Variants in CECR2 observed in about 807,000 individuals in gnomAD.
CECR2 encodes the protein chromatin remodeling regulator CECR2.
A neutral mutation model predicts 154.5 loss-of-function variants in CECR2; 30 were observed. The ratio of observed to expected loss-of-function variants is 0.19; its 90% CI spans 0.15 to 0.26. CECR2 has a LOEUF of 0.26. Among genes scored for constraint, CECR2 ranks in the 10% least tolerant of loss-of-function variants. The pLI, the probability that CECR2 is intolerant of heterozygous loss-of-function variation, is 1.00. For synonymous variants in CECR2, 725 were observed against 683.7 expected (o/e 1.06, Z -0.94); for missense variants, 1,743 against 1,829.3 (o/e 0.95, Z 0.86).
chr22:17,552,946 C>T lies in CECR2; in HGVS notation c.*106C>T, dbSNP rs2056731742. ...GCTCTATTCCCATCACCTGCTCCAC[C>T]CCTTCACGGCGACCCACTCGTGCCA... On this transcript the variant is annotated 3_prime_UTR_variant, in exon 19 of 19. Transcript: ENST00000262608. 2 of 1,512,300 alleles carry T rather than the reference C, an allele frequency of 1.3e-6. No homozygotes were observed. The highest frequency in any genetic ancestry group is 4.9e-5 in the East Asian group (2 of 40,586). 93.7% of individuals were successfully genotyped at this position (1,512,300 alleles called of 1,614,324 possible).
intron 1 of CECR2, among the ~76,000 whole-genome samples, chr22:17,395,562 T>A (rs2053796173): frequency 6.6e-6 from 1 of 152,068 alleles, no homozygotes. Context: ...CCAGGCTGGT[T>A]TCTAACTCCT....
chr22:17,451,593 TC>T (rs1161615156), intron 1 of CECR2, among the ~76,000 whole-genome samples: 3 of 152,280 alleles, frequency 2.0e-5, no homozygotes, highest in Middle Eastern at 3.4e-3. Context: ...ACAGGATTCT[TC>T]CGTTCCTCCG....
At chr22:17,434,642 G>A (rs1309119042) in intron 1 of CECR2, among the ~76,000 whole-genome samples, 3 of 139,758 alleles carry the variant, frequency 2.1e-5, no homozygotes, top group Non-Finnish European at 4.6e-5. Context: ...TTTTATGCCC[G>A]CACCCCCCCT....
chr22:17,413,497 G>T lies in CECR2; in HGVS notation c.126+43588G>T, dbSNP rs111714273. Reference sequence around the variant, plus strand: ...CTCCATTAACATTGTTCAGACCTGGGGATCTTAGCAGCAGGGAAAATAGGT... The same window carrying T: ...CTCCATTAACATTGTTCAGACCTGGTGATCTTAGCAGCAGGGAAAATAGGT... On this transcript the variant is annotated intron_variant, in intron 1 of 18. Coordinates refer to ENST00000262608, the MANE Select transcript of CECR2 (RefSeq NM_001290047.2). Among the ~76,000 whole-genome samples the T allele has an allele frequency of 6.6e-5, 10 of 152,124 alleles. 1 individual carries two copies. Among genetic ancestry groups the T allele is most frequent in the African/African-American group, 2.4e-4 (10 of 41,486 alleles).
intron 1 of CECR2, among the ~76,000 whole-genome samples, chr22:17,428,864 G>A (rs576516684): frequency 1.3e-5 from 2 of 150,028 alleles, no homozygotes; most frequent in East Asian, 4.0e-4. Context: ...AATGCTCAGG[G>A]AATAGGCGTG....
At chr22:17,544,139 A>G (rs1450619788) in intron 16 of CECR2, among the ~76,000 whole-genome samples, 1 of 151,962 alleles carries the variant, frequency 6.6e-6, no homozygotes, top group Non-Finnish European at 1.5e-5. Context: ...GCCAAGGCCA[A>G]TGGATCAGTT....
chr22:17,518,273 A>C (rs2056095069), intron 8 of CECR2, among the ~76,000 whole-genome samples: 1 of 152,202 alleles, frequency 6.6e-6, no homozygotes, highest in Admixed American at 6.6e-5. Flanking sequence ...TCCTTCATTT[A>C]GCACACACTT....
chr22:17,424,814 C>T lies in CECR2; in HGVS notation c.127-52774C>T, dbSNP rs1204993514. On this transcript the variant is annotated intron_variant, in intron 1 of 18. Transcript: ENST00000262608. The stretch of plus-strand genomic sequence containing the variant: ...ATGGGCAACAGTGATACTGTTGTCT[C>T]CCTCTGGGCAGCTCCTATGAATTGT... 2.6e-5 allele frequency: 4 copies of T among 152,662 alleles called. No homozygotes were observed. The East Asian group carries it at 7.7e-4, about 29-fold the overall frequency. The allele number at this position is 152,662 out of a possible 1,614,324, so 9.5% of individuals were successfully genotyped here. A position where few individuals can be genotyped will look rare whatever the true frequency, so the allele number is the denominator to read the frequency against.
At chr22:17,486,810 C>A (rs1312436409) in intron 2 of CECR2, among the ~76,000 whole-genome samples, 1 of 152,176 alleles carries the variant, frequency 6.6e-6, no homozygotes, top group African/African-American at 2.4e-5. Flanking sequence ...AGGGAGAAGA[C>A]AGAAGGTATG....
chr22:17,491,760 A>G (rs765328576), intron 2 of CECR2, among the ~76,000 whole-genome samples: 2 of 152,178 alleles, frequency 1.3e-5, no homozygotes, highest in Non-Finnish European at 2.9e-5. Flanking sequence ...CATTTTAAAG[A>G]TACATTTGGG....
chr22:17,500,366 CTT>C (rs1245897316), intron 4 of CECR2, among the ~76,000 whole-genome samples: 1 of 152,126 alleles, frequency 6.6e-6, no homozygotes, highest in Non-Finnish European at 1.5e-5. Context: ...ATGCTAACCT[CTT>C]ATTTAGGCTT....
chr22:17,507,623 A>G (rs2055870980), intron 7 of CECR2, among the ~76,000 whole-genome samples: 1 of 152,226 alleles, frequency 6.6e-6, no homozygotes. Context: ...AACTTAAAGC[A>G]TAAAACTGAT....
At chr22:17,400,659 T>C (rs2053878199) in intron 1 of CECR2, among the ~76,000 whole-genome samples, 1 of 151,976 alleles carries the variant, frequency 6.6e-6, no homozygotes, top group Non-Finnish European at 1.5e-5. Flanking sequence ...AAGAGGGAGG[T>C]CAGAGGGTTT....
chr22:17,464,689 A>T (rs150585280), intron 1 of CECR2, among the ~76,000 whole-genome samples: 1 of 152,008 alleles, frequency 6.6e-6, no homozygotes, highest in Admixed American at 6.6e-5. Context: ...CTTTGTAGAG[A>T]TGAGATCTCA....
At chr22:17,520,755 G>C (rs564673653) in intron 8 of CECR2, among the ~76,000 whole-genome samples, 10 of 152,104 alleles carry the variant, frequency 6.6e-5, no homozygotes, top group African/African-American at 2.4e-4. Context: ...ACATGAACTC[G>C]TCTTTTTGGG....
intron 1 of CECR2, among the ~76,000 whole-genome samples, chr22:17,461,490 C>T (rs889955270): frequency 1.3e-5 from 2 of 152,168 alleles, no homozygotes; most frequent in African/African-American, 4.8e-5. Flanking sequence ...GGTTAGGACT[C>T]ATTTAGAATT....
At chr22:17,543,323 A>T (rs1166821995) in intron 16 of CECR2, among the ~76,000 whole-genome samples, 1 of 151,674 alleles carries the variant, frequency 6.6e-6, no homozygotes, top group African/African-American at 2.4e-5. Context: ...TTTAGTAGCA[A>T]CGGGGTTTCA....
At chr22:17,505,560 G>GTC (rs1371630560) in intron 7 of CECR2, among the ~76,000 whole-genome samples, 1 of 78,402 alleles carries the variant, frequency 1.3e-5, no homozygotes, top group Non-Finnish European at 2.3e-5. Context: ...TTTTTTTTGA[G>GTC]TCTCTCTCTG....
chr22:17,536,177 G>A (rs916465451), intron 9 of CECR2, among the ~76,000 whole-genome samples: 1 of 152,154 alleles, frequency 6.6e-6, no homozygotes, highest in Non-Finnish European at 1.5e-5. Context: ...GAACCCAGGG[G>A]GCAGAGGTTG....
Sources: allele counts gnomAD v4.1 joint callset (sites outside exome capture counted in the v4.1 genomes callset), GRCh38; gene constraint gnomAD v4.1.1; transcripts MANE v1.5; gene names NCBI Gene and HGNC (gene_info 2026-07-23, HGNC 2026-07-21).